Variants in DYM observed in about 807,000 individuals in gnomAD.
DYM encodes the protein dyggve-Melchior-Clausen syndrome protein.
DYM carries 78 observed loss-of-function variants against 93.1 expected under a neutral mutation model. The ratio of observed to expected loss-of-function variants is 0.84; its 90% CI spans 0.70 to 1.01. The LOEUF is 1.01. DYM is among the 50% of genes least tolerant of loss of function. The pLI, the probability that DYM is intolerant of heterozygous loss-of-function variation, is 0.00. For missense variants in DYM, 789 were observed against 845.0 expected (o/e 0.93, Z 0.82); for synonymous variants, 321 against 319.7 (o/e 1.00, Z -0.04).
chr18:49,370,106 C>T (rs532429459), intron 5 of DYM, among the ~76,000 whole-genome samples: 5 of 151,826 alleles, frequency 3.3e-5, no homozygotes, highest in Admixed American at 3.3e-4. Flanking sequence ...GTGAAACCCC[C>T]GTCTCTACTA....
At chr18:49,217,723 C>T (rs1041113953) in intron 13 of DYM, among the ~76,000 whole-genome samples, 1 of 152,170 alleles carries the variant, frequency 6.6e-6, no homozygotes, top group Non-Finnish European at 1.5e-5. Flanking sequence ...TTCTCACCAC[C>T]AGGCCTGCCC....
chr18:49,077,304 C>T (rs770974078), intron 17 of DYM, among the ~76,000 whole-genome samples: 1 of 152,224 alleles, frequency 6.6e-6, no homozygotes, highest in African/African-American at 2.4e-5. Context: ...CACAGATCTG[C>T]TTTCTCTCTC....
At chr18:49,056,977 G>A (rs1026452545) in intron 17 of DYM, among the ~76,000 whole-genome samples, 1 of 152,238 alleles carries the variant, frequency 6.6e-6, no homozygotes, top group Non-Finnish European at 1.5e-5. Flanking sequence ...CTACAGGTAT[G>A]AGCCATGGCC....
intron 13 of DYM, among the ~76,000 whole-genome samples, chr18:49,243,947 C>T (rs527478573): frequency 5.9e-4 from 90 of 152,214 alleles, no homozygotes; most frequent in African/African-American, 2.1e-3. Context: ...GACAAATACT[C>T]TTACGCTTCA....
chr18:49,245,838 T>C (rs1340797754), intron 13 of DYM, among the ~76,000 whole-genome samples: 3 of 152,138 alleles, frequency 2.0e-5, no homozygotes, highest in African/African-American at 7.2e-5. Flanking sequence ...AACCTGCCGA[T>C]ATGTGATGTC....
At chr18:49,459,927 C>T (rs185458861) in intron 1 of DYM, among the ~76,000 whole-genome samples, 12 of 141,334 alleles carry the variant, frequency 8.5e-5, no homozygotes, top group Middle Eastern at 3.6e-3. Context: ...GCGGGGGGGG[C>T]GGTGATTAAA....
intron 11 of DYM, 115 bp downstream of exon 11, chr18:49,272,063 A>G (rs181872408): frequency 1.2e-5 from 11 of 910,658 alleles, no homozygotes; most frequent in Admixed American, 4.5e-5. Context: ...TAACATTTCT[A>G]ATACAGGTTC....
chr18:49,114,769 C>T (rs1276768801), intron 16 of DYM, among the ~76,000 whole-genome samples: 1 of 151,966 alleles, frequency 6.6e-6, no homozygotes, highest in Admixed American at 6.6e-5. Context: ...AACAGTGTAC[C>T]ACCACGCCTG....
At chr18:49,378,799 C>T (rs1599778934) in intron 4 of DYM, 99 bp from the exon 5 acceptor site, 1 of 1,249,840 alleles carries the variant, frequency 8.0e-7, no homozygotes, top group East Asian at 2.5e-5. Context: ...ACCGTTTTGT[C>T]CATCCTATTG....
intron 15 of DYM, among the ~76,000 whole-genome samples, chr18:49,139,754 A>AGAGT (rs1347679485): frequency 1.3e-5 from 2 of 152,218 alleles, no homozygotes; most frequent in Non-Finnish European, 2.9e-5. Context: ...GAGCATTTTC[A>AGAGT]GAGTGCCCTG....
chr18:49,217,437 C>A (rs945465220), intron 13 of DYM, among the ~76,000 whole-genome samples: 2 of 152,076 alleles, frequency 1.3e-5, no homozygotes, highest in Admixed American at 1.3e-4. Context: ...AGAGCAACTC[C>A]AAGACACATA....
At chr18:49,312,633 G>T (rs1453715394) in intron 8 of DYM, among the ~76,000 whole-genome samples, 1 of 152,068 alleles carries the variant, frequency 6.6e-6, no homozygotes, top group Admixed American at 6.6e-5. Context: ...ACCCTTCAAT[G>T]TCCTGCATAT....
intron 2 of DYM, among the ~76,000 whole-genome samples, chr18:49,412,718 AGT>A (rs2072421205): frequency 6.6e-6 from 1 of 152,212 alleles, no homozygotes; most frequent in African/African-American, 2.4e-5. Context: ...TTGAACATAA[AGT>A]GTGCCAAAGA....
At chr18:49,128,615 C>T (rs2083066112) in intron 15 of DYM, among the ~76,000 whole-genome samples, 1 of 152,130 alleles carries the variant, frequency 6.6e-6, no homozygotes, top group Non-Finnish European at 1.5e-5. Flanking sequence ...TAAGTACTTA[C>T]ATAATTTTTT....
chr18:49,215,630 C>T (rs2092996247), intron 13 of DYM, among the ~76,000 whole-genome samples: 1 of 152,138 alleles, frequency 6.6e-6, no homozygotes, highest in Admixed American at 6.5e-5. Context: ...AAAGATTATA[C>T]TCTATTAATG....
chr18:49,457,581 C>T (rs182694931), intron 1 of DYM, among the ~76,000 whole-genome samples: 1 of 152,252 alleles, frequency 6.6e-6, no homozygotes, highest in East Asian at 1.9e-4. Context: ...AAAAGACGGC[C>T]CTCTCGTTGC....
At chr18:49,117,996 C>CT (rs35936099) in intron 16 of DYM, among the ~76,000 whole-genome samples, 12,150 of 53,060 alleles carry the variant, frequency 0.23, 1,104 homozygotes, top group African/African-American at 0.36. Flanking sequence ...TGTGCCCAGC[C>CT]TTTTTTTTTT....
intron 15 of DYM, among the ~76,000 whole-genome samples, chr18:49,136,672 T>C (rs1185572001): frequency 6.6e-6 from 1 of 152,132 alleles, no homozygotes; most frequent in African/African-American, 2.4e-5. Context: ...ATGTAAAATA[T>C]AAAACCAGAA....
chr18:49,176,605 A>T (rs1600366465), intron 14 of DYM, among the ~76,000 whole-genome samples: 1 of 120,972 alleles, frequency 8.3e-6, no homozygotes. Flanking sequence ...TGCAGAGATG[A>T]GGTCTTGCCT....
Sources: allele counts gnomAD v4.1 joint callset (sites outside exome capture counted in the v4.1 genomes callset), GRCh38; gene constraint gnomAD v4.1.1; transcripts MANE v1.5; gene names NCBI Gene and HGNC (gene_info 2026-07-23, HGNC 2026-07-21).